DAB1: variants seen among roughly 807,000 people sequenced by gnomAD.
DAB1 encodes DAB adaptor protein 1, also known as disabled homolog 1.
In DAB1, 15 loss-of-function variants were observed where a neutral mutation model predicts 64.6. The ratio of observed to expected loss-of-function variants is 0.23; its 90% CI spans 0.16 to 0.36. The LOEUF is 0.36. Ranked by LOEUF, DAB1 falls within the 10% of genes least tolerant of loss-of-function variation. The pLI is 1.00. For missense variants in DAB1, 596 were observed against 706.7 expected (o/e 0.84, Z 1.78); for synonymous variants, 235 against 251.9 (o/e 0.93, Z 0.64).
rs140043674 is a variant in DAB1, at chr1:57,772,059, C to T, written n.551+111940G>A. Among the ~76,000 whole-genome samples the T allele has an allele frequency of 1.8e-3, 270 of 152,216 alleles. 1 individual carries two copies. Among genetic ancestry groups the T allele is most frequent in the African/African-American group, 6.2e-3 (257 of 41,548 alleles). ...TGCATTGGAAACTTAATCCCTAGTGCAACACTGTTAAGAAGTGGTATGTTT... is the reference window on the plus strand; with the variant it reads ...TGCATTGGAAACTTAATCCCTAGTGTAACACTGTTAAGAAGTGGTATGTTT... On this transcript the variant is annotated intron_variant and non_coding_transcript_variant, in intron 6 of 20. Transcript: ENST00000485760.
intron 7 of DAB1, among the ~76,000 whole-genome samples, chr1:57,634,522 T>G (rs900405758): frequency 2.0e-5 from 3 of 152,224 alleles, no homozygotes; most frequent in Admixed American, 2.0e-4. Context: ...ACTGCAGATA[T>G]GAAACCTAAC....
intron 5 of DAB1, among the ~76,000 whole-genome samples, chr1:58,063,040 C>T (rs1261937942): frequency 2.0e-5 from 3 of 152,196 alleles, no homozygotes; most frequent in African/African-American, 7.2e-5. Flanking sequence ...AAGCACTCAG[C>T]TAGGCACTGC....
intron 1 of DAB1, among the ~76,000 whole-genome samples, chr1:57,315,584 C>T (rs1044577073): frequency 2.6e-5 from 4 of 152,134 alleles, no homozygotes; most frequent in African/African-American, 9.7e-5. Flanking sequence ...CTCACTGACA[C>T]CTTTTCCTCC....
At chr1:57,710,020 T>C (rs920212420) in intron 6 of DAB1, among the ~76,000 whole-genome samples, 3 of 152,182 alleles carry the variant, frequency 2.0e-5, no homozygotes, top group Non-Finnish European at 4.4e-5. Context: ...GGGCTGCTTT[T>C]TATTAAAAGG....
intron 4 of DAB1, among the ~76,000 whole-genome samples, chr1:58,247,851 G>T (rs573408204): frequency 1.5e-5 from 2 of 129,924 alleles, no homozygotes; most frequent in African/African-American, 2.9e-5. Context: ...CTGTCTGGTT[G>T]TATTTGAAGA....
At chr1:57,124,195 C>A (rs1048161012) in intron 4 of DAB1, among the ~76,000 whole-genome samples, 2 of 152,130 alleles carry the variant, frequency 1.3e-5, no homozygotes, top group African/African-American at 4.8e-5. Flanking sequence ...ATAAGACATT[C>A]CTTTTATTAT....
At chr1:57,738,806 G>A (rs1050989080) in intron 6 of DAB1, among the ~76,000 whole-genome samples, 4 of 152,132 alleles carry the variant, frequency 2.6e-5, no homozygotes, top group African/African-American at 7.2e-5. Context: ...TCAATAACGG[G>A]AGGCAATTAT....
At chr1:58,075,941 T>A (rs1390677628) in intron 5 of DAB1, among the ~76,000 whole-genome samples, 1 of 148,710 alleles carries the variant, frequency 6.7e-6, no homozygotes. Flanking sequence ...TCTCTCTCTC[T>A]CTCACAGGCA....
At chr1:57,962,989 T>C (rs1645564182) in intron 5 of DAB1, among the ~76,000 whole-genome samples, 1 of 152,178 alleles carries the variant, frequency 6.6e-6, no homozygotes, top group Admixed American at 6.5e-5. Flanking sequence ...TAATATAACA[T>C]GCTTCATTCC....
Position 57,698,051 on chromosome 1 carries a change from A to G in DAB1, n.552-48386T>C, listed in dbSNP as rs72912431. On this transcript the variant is annotated intron_variant and non_coding_transcript_variant, in intron 6 of 20. Coordinates refer to the DAB1 transcript ENST00000485760. Reference sequence around the variant, plus strand: ...CTGCATAGACAGGTCTCCTTGCCTTACATCTGTTACTCCTTTTTCTGCCTG... The same window carrying G: ...CTGCATAGACAGGTCTCCTTGCCTTGCATCTGTTACTCCTTTTTCTGCCTG... Among the ~76,000 whole-genome samples, 400 of 150,458 alleles carry G rather than the reference A, an allele frequency of 2.7e-3. 1 individual carries two copies. Among genetic ancestry groups the G allele is most frequent in the Middle Eastern group, 0.011 (3 of 284 alleles).
At chr1:58,510,274 C>G (rs1364345409) in intron 2 of DAB1, among the ~76,000 whole-genome samples, 1 of 152,042 alleles carries the variant, frequency 6.6e-6, no homozygotes, top group Non-Finnish European at 1.5e-5. Flanking sequence ...TTAAAAGGAT[C>G]ACACCTCATG....
intron 7 of DAB1, among the ~76,000 whole-genome samples, chr1:57,446,828 G>C (rs1277298154): frequency 6.6e-6 from 1 of 152,074 alleles, no homozygotes; most frequent in Non-Finnish European, 1.5e-5. Context: ...TGTTTCTCTT[G>C]GGGATGAAAA....
intron 9 of DAB1, among the ~76,000 whole-genome samples, chr1:57,052,192 C>CA (rs1477019229): frequency 6.6e-6 from 1 of 152,128 alleles, no homozygotes; most frequent in Non-Finnish European, 1.5e-5. Context: ...CAGCATACAG[C>CA]AGATGCTCAA....
chr1:57,154,981 G>A (rs930017256), intron 2 of DAB1, among the ~76,000 whole-genome samples: 2 of 152,002 alleles, frequency 1.3e-5, no homozygotes, highest in African/African-American at 4.8e-5. Flanking sequence ...CATTCTGTGG[G>A]TTATGTCTTT....
In DAB1 at chr1:57,063,032, C is replaced by T. The variant is rs951108070; in HGVS notation, c.664-89G>A. Reference sequence around the variant, plus strand: ...CAACCAGACTTCAACTGCAAGCTGGCTAAGGGTGCCTGAGAATGGCCCCAG... The same window carrying T: ...CAACCAGACTTCAACTGCAAGCTGGTTAAGGGTGCCTGAGAATGGCCCCAG... On this transcript the variant is annotated intron_variant, in intron 8 of 14. Coordinates refer to ENST00000371236, the MANE Select transcript of DAB1 (RefSeq NM_001365792.1). The T allele has an allele frequency of 9.5e-6, 11 of 1,154,492 alleles. No individual in the cohort carries two copies. In the Admixed American group the frequency reaches 2.0e-4, roughly 21 times the overall value. The allele number at this position is 1,154,492 out of a possible 1,614,324, so 71.5% of individuals were successfully genotyped here.
chr1:56,998,088 T>A lies in DAB1; in HGVS notation c.*56A>T. The stretch of plus-strand genomic sequence containing the variant: ...CACCACGAGCTCGCATCGATGCTAT[T>A]TCTTAGGTCTGTTGATCTGCGCGTA... On this transcript the variant is annotated 3_prime_UTR_variant, in exon 15 of 15. Transcript: ENST00000371236. The A allele has an allele frequency of 6.6e-6, 1 of 152,594 alleles. No homozygotes were observed. Among genetic ancestry groups the A allele is most frequent in the Admixed American group, 6.5e-5 (1 of 15,278 alleles). The allele number at this position is 152,594 out of a possible 1,614,324, so 9.5% of individuals were successfully genotyped here.
intron 3 of DAB1, among the ~76,000 whole-genome samples, chr1:58,472,813 A>G (rs1645374218): frequency 6.6e-6 from 1 of 152,184 alleles, no homozygotes. Context: ...GGAGTCCTGG[A>G]AAGAAGAGAT....
At chr1:58,481,559 T>C (rs903864587) in intron 3 of DAB1, among the ~76,000 whole-genome samples, 4 of 152,108 alleles carry the variant, frequency 2.6e-5, no homozygotes, top group African/African-American at 7.2e-5. Context: ...CTGCAGAACA[T>C]AGATGACTGA....
chr1:57,474,942 A>G (rs1442704226), intron 7 of DAB1, among the ~76,000 whole-genome samples: 1 of 152,140 alleles, frequency 6.6e-6, no homozygotes, highest in Non-Finnish European at 1.5e-5. Flanking sequence ...TGTGCTCCGT[A>G]AAGAAGATGA....
Sources: gnomAD v4.1 joint callset for allele counts (sites outside exome capture counted in the v4.1 genomes callset) on GRCh38, gnomAD v4.1.1 for gene constraint, MANE v1.5 for transcripts, NCBI Gene and HGNC (gene_info 2026-07-23, HGNC 2026-07-21) for gene names.